Variants in CHST9 observed in about 807,000 individuals in gnomAD.
CHST9 encodes the protein carbohydrate sulfotransferase 9.
Under a neutral mutation model 44.4 loss-of-function variants are expected in CHST9, and 41 were observed. That is an observed-to-expected ratio of 0.92 (90% CI 0.72 to 1.20). The LOEUF is 1.20. Ranked by LOEUF, CHST9 falls within the 50% of genes most tolerant of loss-of-function variation. The pLI, the probability that CHST9 is intolerant of heterozygous loss-of-function variation, is 0.00. For synonymous variants in CHST9, 171 were observed against 178.4 expected (o/e 0.96, Z 0.33); for missense variants, 504 against 516.5 (o/e 0.98, Z 0.23).
At chr18:27,147,295 G>A (rs1444310264) in intron 1 of CHST9, among the ~76,000 whole-genome samples, 1 of 152,014 alleles carries the variant, frequency 6.6e-6, no homozygotes, top group African/African-American at 2.4e-5. Flanking sequence ...TCCAACTCCC[G>A]ACCTCAGGTG....
At chr18:27,169,426 A>G (rs1395636124) in intron 1 of CHST9, among the ~76,000 whole-genome samples, 1 of 152,180 alleles carries the variant, frequency 6.6e-6, no homozygotes, top group Non-Finnish European at 1.5e-5. Context: ...GAACTATAAG[A>G]AATGGCTAAA....
intron 4 of CHST9, among the ~76,000 whole-genome samples, chr18:27,013,635 T>A (rs922039092): frequency 1.1e-4 from 16 of 152,192 alleles, no homozygotes; most frequent in African/African-American, 3.9e-4. Context: ...GTGCAATTAA[T>A]ATCATTATTG....
intron 3 of CHST9, among the ~76,000 whole-genome samples, chr18:27,034,939 C>G (rs989445875): frequency 5.9e-5 from 9 of 152,114 alleles, no homozygotes; most frequent in Admixed American, 3.9e-4. Context: ...CCTACTGAAG[C>G]AGGTTATTTA....
Position 27,043,625 on chromosome 18 carries a change from C to T in CHST9, c.160+4840G>A, listed in dbSNP as rs1431242570. Among the ~76,000 whole-genome samples, 4 of 151,920 alleles carry T rather than the reference C, an allele frequency of 2.6e-5. No individual in the cohort carries two copies. In the East Asian group the frequency reaches 7.7e-4, roughly 29 times the overall value. Reference sequence around the variant, plus strand: ...CTGTCTTAGTAAAGACACCTCAGACCTTCATCCTGTTATTCTTGGGTAATT... The same window carrying T: ...CTGTCTTAGTAAAGACACCTCAGACTTTCATCCTGTTATTCTTGGGTAATT... On this transcript the variant is annotated intron_variant, in intron 3 of 5. Coordinates refer to ENST00000618847, the MANE Select transcript of CHST9 (RefSeq NM_031422.6).
intron 1 of CHST9, among the ~76,000 whole-genome samples, chr18:27,153,546 C>CTCTGTGTGTG (rs1555628608): frequency 7.4e-4 from 102 of 138,566 alleles, no homozygotes; most frequent in South Asian, 4.3e-3. Flanking sequence ...CTCTCTCTCT[C>CTCTGTGTGTG]TGTGTGTGTG....
At chr18:27,090,961 GT>G (rs1327696502) in intron 2 of CHST9, among the ~76,000 whole-genome samples, 1 of 152,092 alleles carries the variant, frequency 6.6e-6, no homozygotes, top group Non-Finnish European at 1.5e-5. Context: ...CTTTAATGTA[GT>G]TTTTTTCCAA....
At chr18:27,049,125 A>G (rs2057536876) in intron 2 of CHST9, among the ~76,000 whole-genome samples, 1 of 152,142 alleles carries the variant, frequency 6.6e-6, no homozygotes, top group Non-Finnish European at 1.5e-5. Flanking sequence ...ACAGCAGTGC[A>G]TAGGAGGAGG....
At chr18:26,960,595 T>C (rs2056386789) in intron 4 of CHST9, among the ~76,000 whole-genome samples, 1 of 152,220 alleles carries the variant, frequency 6.6e-6, no homozygotes, top group Non-Finnish European at 1.5e-5. Context: ...CATTCCATTA[T>C]TGGAACGCTA....
At chr18:27,056,027 TGCAGG>T (rs2057651452) in intron 2 of CHST9, among the ~76,000 whole-genome samples, 1 of 152,130 alleles carries the variant, frequency 6.6e-6, no homozygotes, top group African/African-American at 2.4e-5. Flanking sequence ...TTTTAAAAGT[TGCAGG>T]AATAAATTAT....
chr18:26,957,566 CAAA>C (rs200839830), intron 4 of CHST9, among the ~76,000 whole-genome samples: 2 of 141,704 alleles, frequency 1.4e-5, no homozygotes, highest in Non-Finnish European at 1.5e-5. Context: ...AACTACACTG[CAAA>C]AAAAAAAAAA....
intron 4 of CHST9, among the ~76,000 whole-genome samples, chr18:27,007,306 C>T (rs902913905): frequency 6.6e-6 from 1 of 152,074 alleles, no homozygotes; most frequent in Non-Finnish European, 1.5e-5. Flanking sequence ...TGATAGATAG[C>T]CCTTAATTGA....
At chr18:27,044,058 C>CT (rs1317222674) in intron 3 of CHST9, among the ~76,000 whole-genome samples, 1 of 94,720 alleles carries the variant, frequency 1.1e-5, no homozygotes, top group African/African-American at 3.8e-5. Context: ...ACAGCGAGCC[C>CT]TTCCCCCCCC....
At chr18:26,971,698 C>T (rs1373935903) in intron 4 of CHST9, among the ~76,000 whole-genome samples, 1 of 152,174 alleles carries the variant, frequency 6.6e-6, no homozygotes, top group Non-Finnish European at 1.5e-5. Context: ...AGCAGCAGCA[C>T]GCATCCCTTC....
chr18:26,969,130 T>A (rs879370516), intron 4 of CHST9, among the ~76,000 whole-genome samples: 9 of 151,776 alleles, frequency 5.9e-5, no homozygotes, highest in Non-Finnish European at 1.2e-4. Context: ...TCCCAAGTAG[T>A]TGGGACTACA....
chr18:27,073,413 G>A (rs2057863673), intron 2 of CHST9, among the ~76,000 whole-genome samples: 1 of 124,042 alleles, frequency 8.1e-6, no homozygotes, highest in East Asian at 2.9e-4. Flanking sequence ...GTGGGGGGTG[G>A]GGGTGGGCAG....
At chr18:27,053,699 C>G (rs1307487398) in intron 2 of CHST9, among the ~76,000 whole-genome samples, 1 of 152,152 alleles carries the variant, frequency 6.6e-6, no homozygotes, top group East Asian at 1.9e-4. Context: ...CCATAACTTT[C>G]CTTCTGCTGT....
At chr18:26,977,260 G>C (rs2056634546) in intron 4 of CHST9, among the ~76,000 whole-genome samples, 1 of 152,070 alleles carries the variant, frequency 6.6e-6, no homozygotes. Context: ...GCTTGGGTTA[G>C]AAAGAAGATT....
intron 2 of CHST9, among the ~76,000 whole-genome samples, chr18:27,081,011 A>G (rs1289463731): frequency 6.6e-6 from 1 of 152,178 alleles, no homozygotes; most frequent in African/African-American, 2.4e-5. Context: ...TACAAGCCAT[A>G]GGGATGGCTT....
intron 2 of CHST9, among the ~76,000 whole-genome samples, chr18:27,124,577 C>T (rs970268763): frequency 4.6e-5 from 7 of 152,212 alleles, no homozygotes; most frequent in African/African-American, 7.2e-5. Flanking sequence ...ACCATTTTTC[C>T]ATCAATTCTT....
Sources: allele counts gnomAD v4.1 joint callset (sites outside exome capture counted in the v4.1 genomes callset), GRCh38; gene constraint gnomAD v4.1.1; transcripts MANE v1.5; gene names NCBI Gene and HGNC (gene_info 2026-07-23, HGNC 2026-07-21).